The following GCKR variants were observed in gnomAD, a reference collection of about 807,000 sequenced individuals.
GCKR encodes the protein glucokinase regulator, also known as glucokinase regulatory protein.
Under a neutral mutation model 82.9 loss-of-function variants are expected in GCKR, and 73 were observed. That is an observed-to-expected ratio of 0.88 (90% CI 0.73 to 1.07). GCKR has a LOEUF of 1.07. Among genes scored for constraint, GCKR ranks in the 50% least tolerant of loss-of-function variants. The pLI, the probability that GCKR is intolerant of heterozygous loss-of-function variation, is 0.00. For synonymous variants in GCKR, 294 were observed against 291.8 expected, an observed-to-expected ratio of 1.01 and a Z score of -0.08; for missense variants, 784 against 782.1, an observed-to-expected ratio of 1.00 and a Z score of -0.03.
intron 7 of GCKR, 67 bp from the exon 8 acceptor site, chr2:27,501,068 C>A: frequency 9.2e-7 from 1 of 1,083,050 alleles, no homozygotes; most frequent in Non-Finnish European, 1.4e-6. Context: ...TTCTGATGCA[C>A]TTGAGCCTTG....
At chr2:27,505,125 C>CA (rs146563052) in intron 9 of GCKR, among the ~76,000 whole-genome samples, 9,301 of 25,432 alleles carry the variant, frequency 0.37, 2,676 homozygotes, top group Middle Eastern at 0.41. Flanking sequence ...GACTCCATCT[C>CA]AAAAAAAAAA....
At chr2:27,505,612 C>T (rs1048431787) in intron 9 of GCKR, 106 bp from the exon 10 acceptor site, 3 of 734,604 alleles carry the variant, frequency 4.1e-6, no homozygotes, top group African/African-American at 1.7e-5. Flanking sequence ...CACAAGCACA[C>T]TGGGGGCCAC....
In GCKR at chr2:27,523,255, C is replaced by T. The variant is rs774219108; in HGVS notation, c.1708-14C>T. 7.5e-6 allele frequency: 12 copies of T among 1,610,152 alleles called. No homozygotes were observed. The highest frequency in any genetic ancestry group is 9.3e-6 in the Non-Finnish European group (11 of 1,178,246). ...TTCCCTCAGGCTTCAGTGCCCACTGCCTCTTCCCCACAGGTGATACCCATC... is the reference window on the plus strand; with the variant it reads ...TTCCCTCAGGCTTCAGTGCCCACTGTCTCTTCCCCACAGGTGATACCCATC... On this transcript the variant is annotated splice_polypyrimidine_tract_variant and intron_variant, in intron 18 of 18. Transcript: ENST00000264717.
chr2:27,503,727 C>T, intron 9 of GCKR, 108 bp downstream of exon 9: 1 of 712,206 alleles, frequency 1.4e-6, no homozygotes, highest in Non-Finnish European at 2.6e-6. Context: ...TGTTTAAATT[C>T]CTGAGGTATT....
Position 27,508,018 on chromosome 2 carries a change from G to A in GCKR, c.1282G>A (p.Glu428Lys), listed in dbSNP as rs756456009. The change falls in exon 15 of 19, where the codon GAG becomes AAG. Residue 428 changes from glutamate to lysine, a missense_variant. Glu to Lys is a moderately conservative substitution (Grantham distance 56). Transcript: ENST00000264717. Reference sequence around the variant, plus strand: ...GCAGACTATAGTGGAGCAGGTGAAAGAGAAGACCAACCACATCCAGGCCCT... The same window carrying A: ...GCAGACTATAGTGGAGCAGGTGAAAAAGAAGACCAACCACATCCAGGCCCT... ...EVQTIVEQVK[E>K]KTNHIQALAH... The A allele has an allele frequency of 7.4e-6, 12 of 1,614,056 alleles. No individual in the cohort carries two copies. Among genetic ancestry groups the A allele is most frequent in the Non-Finnish European group, 1.0e-5 (12 of 1,179,924 alleles).
Position 27,523,444 on chromosome 2 carries a change from A to G in GCKR, c.*5A>G, listed in dbSNP as rs1247595290. On this transcript the variant is annotated 3_prime_UTR_variant, in exon 19 of 19. Coordinates refer to ENST00000264717, the MANE Select transcript of GCKR (RefSeq NM_001486.4). ...CTAGAGCCTGACGTTCAGTGAACCC[A>G]TGTTTCTGGGTGGGTGAAAGGGGCC... 1.2e-6 allele frequency: 2 copies of G among 1,604,000 alleles called. No homozygotes were observed. The highest frequency in any genetic ancestry group is 2.2e-5 in the East Asian group (1 of 44,848).
At position 27,518,915 on chromosome 2, in the gene GCKR, G is replaced by A. The variant is rs371460190; in HGVS notation, c.1550G>A (p.Trp517Ter). The part of the protein sequence containing the change: ...DLRISNSKLF[W>*]RALAMLQRFS... ...CGGATTAGCAACTCCAAGCTCTTCT[G>A]GCGGGCGCTGGCCATGCTGCAGGTA... Residue 517 changes from tryptophan to a stop codon, truncating the protein, a stop_gained, in exon 17 of 19, where the codon TGG (tryptophan) becomes TAG (stop). Coordinates refer to ENST00000264717, the MANE Select transcript of GCKR (RefSeq NM_001486.4). LOFTEE classifies it high-confidence loss of function. 6.4e-5 allele frequency: 104 copies of A among 1,613,550 alleles called. No individual in the cohort carries two copies. Among genetic ancestry groups the A allele is most frequent in the Middle Eastern group, 5.2e-4 (3 of 5,806 alleles).
chr2:27,498,586 G>C, intron 4 of GCKR, 138 bp from the exon 5 acceptor site: 1 of 716,084 alleles, frequency 1.4e-6, no homozygotes, highest in Non-Finnish European at 2.5e-6. Context: ...AGCTTTAAGT[G>C]CGAGATTCCA....
chr2:27,498,370 T>G, intron 4 of GCKR, 47 bp downstream of exon 4: 6 of 1,400,888 alleles, frequency 4.3e-6, no homozygotes, highest in Non-Finnish European at 5.1e-6. Context: ...CTTCTGGAGG[T>G]GACCCTCAGG....
intron 9 of GCKR, among the ~76,000 whole-genome samples, chr2:27,504,628 G>A (rs1336266093): frequency 2.0e-5 from 3 of 151,758 alleles, no homozygotes; most frequent in Admixed American, 6.6e-5. Context: ...GATTACAGGC[G>A]TGAGCCACCG....
intron 17 of GCKR, 27 bp from the exon 18 acceptor site, chr2:27,522,433 A>C (rs112206908): frequency 6.2e-7 from 1 of 1,613,308 alleles, no homozygotes. Flanking sequence ...CTTTAGCCTG[A>C]CACTGATCTT....
rs1413377800 is a variant in GCKR at position 27,515,762 on chromosome 2, TATA to T, written c.1423-3025_1423-3023del. Among the ~76,000 whole-genome samples, 143 of 126,462 alleles carry T rather than the reference TATA, an allele frequency of 1.1e-3. 1 individual carries two copies. The highest frequency in any genetic ancestry group is 1.5e-3 in the East Asian group (6 of 4,030). 83.0% of individuals were successfully genotyped at this position (126,462 alleles called of 152,430 possible). A position where few individuals can be genotyped will look rare whatever the true frequency, so the allele number is the denominator to read the frequency against. On this transcript the variant is annotated intron_variant, in intron 16 of 18. Transcript: ENST00000264717. ...AATTGTTCGTATATATATATATATA[TATA>T]TTTTTTTTTTTTTTTTGAGACAGAA...
Position 27,523,395 on chromosome 2 carries a change from C to T in GCKR, c.1834C>T (p.Arg612Cys), listed in dbSNP as rs200438909. The T allele has an allele frequency of 7.4e-6, 12 of 1,611,222 alleles. No individual in the cohort carries two copies. The highest frequency in any genetic ancestry group is 1.7e-5 in the Admixed American group (1 of 60,002). The change falls in exon 19 of 19, where the codon CGC becomes TGC. Residue 612 changes from arginine (R) to cysteine (C), a missense_variant. Coordinates refer to ENST00000264717, the MANE Select transcript of GCKR (RefSeq NM_001486.4). Reference sequence around the variant, plus strand: ...TGCTCTTGCTGGGCCAGGTCAGAAGCGCACTGCGGACCCCCTCGAGATCCT... The same window carrying T: ...TGCTCTTGCTGGGCCAGGTCAGAAGTGCACTGCGGACCCCCTCGAGATCCT... ...RSALAGPGQK[R>C]TADPLEILEP...
chr2:27,518,954 GCAGGGTTGGGT>G lies in GCKR; in HGVS notation c.1572+18_1572+28del. 1 of 1,525,050 alleles carries G rather than the reference GCAGGGTTGGGT, an allele frequency of 6.6e-7. No individual in the cohort carries two copies. The highest frequency in any genetic ancestry group is 9.1e-7 in the Non-Finnish European group (1 of 1,101,722). The allele number at this position is 1,525,050 out of a possible 1,614,324, so 94.5% of individuals were successfully genotyped here. A position where few individuals can be genotyped will look rare whatever the true frequency, so the allele number is the denominator to read the frequency against. ...ATGCTGCAGGTAGGGATATGATGGG[GCAGGGTTGGGT>G]GGGACCTGGCCTCAATGCTTAGGCT... is the stretch of plus-strand genomic sequence containing the variant. On this transcript the variant is annotated intron_variant, in intron 17 of 18. Coordinates refer to ENST00000264717, the MANE Select transcript of GCKR (RefSeq NM_001486.4).
intron 16 of GCKR, among the ~76,000 whole-genome samples, chr2:27,514,383 C>T (rs1479811032): frequency 6.6e-6 from 1 of 152,116 alleles, no homozygotes; most frequent in Non-Finnish European, 1.5e-5. Context: ...TATCTGCCGT[C>T]TCATTCCATT....
intron 16 of GCKR, among the ~76,000 whole-genome samples, chr2:27,515,765 A>ATATATT (rs1286679766): frequency 1.9e-5 from 2 of 106,928 alleles, no homozygotes; most frequent in Admixed American, 1.1e-4. Context: ...ATATATATAT[A>ATATATT]TTTTTTTTTT....
chr2:27,512,263 C>A (rs1370529968), intron 16 of GCKR, among the ~76,000 whole-genome samples: 2 of 121,076 alleles, frequency 1.7e-5, no homozygotes, highest in Non-Finnish European at 3.3e-5. Flanking sequence ...AAAAGCCGGG[C>A]GTGGTGGCTC....
intron 10 of GCKR, 43 bp downstream of exon 10, chr2:27,505,879 T>A (rs757589335): frequency 1.9e-6 from 2 of 1,029,760 alleles, no homozygotes; most frequent in Non-Finnish European, 3.1e-6. Flanking sequence ...GTCAGGCGAG[T>A]GTGAGATGGT....
chr2:27,518,900 A>T lies in GCKR; in HGVS notation c.1535A>T (p.Asn512Ile). 6.2e-7 allele frequency: 1 copy of T among 1,608,394 alleles called. No individual in the cohort carries two copies. The highest frequency in any genetic ancestry group is 1.1e-5 in the South Asian group (1 of 90,966). The change falls in exon 17 of 19, where the codon AAC (asparagine) becomes ATC (isoleucine). Residue 512 changes from asparagine to isoleucine, a missense_variant. Physicochemically the swap from Asn to Ile is moderately radical, Grantham distance 149. Coordinates refer to ENST00000264717, the MANE Select transcript of GCKR (RefSeq NM_001486.4). ...QNHMLDLRIS[N>I]SKLFWRALAM... ...CACATGTTGGACCTTCGGATTAGCA[A>T]CTCCAAGCTCTTCTGGCGGGCGCTG...
Sources: gnomAD v4.1 joint callset for allele counts (sites outside exome capture counted in the v4.1 genomes callset) on GRCh38, gnomAD v4.1.1 for gene constraint, MANE v1.5 for transcripts, NCBI Gene and HGNC (gene_info 2026-07-23, HGNC 2026-07-21) for gene names.